Variants in PLPP4 observed in about 807,000 individuals in gnomAD.
PLPP4 encodes phospholipid phosphatase 4.
In PLPP4, 20 loss-of-function variants were observed where a neutral mutation model predicts 32.2. The ratio of observed to expected loss-of-function variants is 0.62; its 90% CI spans 0.44 to 0.90. The LOEUF is 0.90. Ranked by LOEUF, PLPP4 falls within the 40% of genes least tolerant of loss-of-function variation. PLPP4 has a pLI of 0.00. For missense variants in PLPP4, 257 were observed against 353.1 expected (o/e 0.73, Z 2.18); for synonymous variants, 127 against 133.0 (o/e 0.95, Z 0.31).
Position 120,589,478 on chromosome 10 carries a change from G to A in PLPP4, c.792G>A (p.Glu264=). ...ACAGCGCACCCAGCTTGCCTCTGGA[G>A]GGGATCACCGAAGGCCCGGTATGAC... is the stretch of plus-strand genomic sequence containing the variant. ...TADSAPSLPL[E]GITEGPV Residue 264 remains glutamate, a synonymous_variant, in exon 7 of 7, where the codon GAG becomes GAA. Coordinates refer to ENST00000398250, the MANE Select transcript of PLPP4 (RefSeq NM_001030059.3). The A allele has an allele frequency of 6.2e-7, 1 of 1,614,122 alleles. No homozygotes were observed. The highest frequency in any genetic ancestry group is 2.2e-5 in the East Asian group (1 of 44,874).
intron 3 of PLPP4, among the ~76,000 whole-genome samples, chr10:120,514,539 G>A (rs1027153056): frequency 6.6e-6 from 1 of 152,186 alleles, no homozygotes; most frequent in Non-Finnish European, 1.5e-5. Context: ...ATTATGTGAA[G>A]AGTGCTATGA....
intron 1 of PLPP4, among the ~76,000 whole-genome samples, chr10:120,479,999 C>A (rs1009645940): frequency 1.3e-5 from 2 of 152,136 alleles, no homozygotes; most frequent in Non-Finnish European, 2.9e-5. Context: ...GCTGATAATC[C>A]GATAAGGCCT....
Position 120,567,081 on chromosome 10 carries a change from C to G in PLPP4, c.446-8050C>G, listed in dbSNP as rs112467046. ...TTTCTCTCCCTTCATTTTTGGGAACCTTGTTTTTATTAATTTTTCTCTGTG... is the reference window on the plus strand; with the variant it reads ...TTTCTCTCCCTTCATTTTTGGGAACGTTGTTTTTATTAATTTTTCTCTGTG... On this transcript the variant is annotated intron_variant, in intron 5 of 6. Transcript: ENST00000398250. 2.1e-3 allele frequency among the ~76,000 whole-genome samples: 314 copies of G among 152,188 alleles called. 2 individuals carry two copies. The highest frequency in any genetic ancestry group is 7.1e-3 in the African/African-American group (296 of 41,528).
chr10:120,510,812 A>G (rs1178892133), intron 2 of PLPP4, among the ~76,000 whole-genome samples: 3 of 152,202 alleles, frequency 2.0e-5, no homozygotes, highest in East Asian at 1.9e-4. Context: ...CTATGTCTCT[A>G]TCCATCCTGA....
chr10:120,512,688 C>T (rs1280922569), intron 2 of PLPP4, among the ~76,000 whole-genome samples: 1 of 152,128 alleles, frequency 6.6e-6, no homozygotes, highest in Admixed American at 6.5e-5. Flanking sequence ...TGGTGTGCAC[C>T]TGTAGTCCCA....
chr10:120,508,613 C>T (rs191752159), intron 2 of PLPP4, among the ~76,000 whole-genome samples: 2 of 152,336 alleles, frequency 1.3e-5, no homozygotes, highest in East Asian at 3.9e-4. Flanking sequence ...TGCCTTACAT[C>T]AGCAGGTGGG....
chr10:120,575,809 A>T (rs1849197094), intron 6 of PLPP4, among the ~76,000 whole-genome samples: 1 of 152,228 alleles, frequency 6.6e-6, no homozygotes, highest in African/African-American at 2.4e-5. Flanking sequence ...ATATACATAT[A>T]TCAGTCCTGG....
intron 5 of PLPP4, among the ~76,000 whole-genome samples, chr10:120,529,856 G>T (rs1247886359): frequency 1.3e-5 from 2 of 152,342 alleles, no homozygotes; most frequent in Non-Finnish European, 2.9e-5. Flanking sequence ...CTATTAGGAG[G>T]TGGGTAGATC....
At chr10:120,475,829 C>T (rs1331293490) in intron 1 of PLPP4, among the ~76,000 whole-genome samples, 2 of 152,216 alleles carry the variant, frequency 1.3e-5, no homozygotes, top group Admixed American at 6.5e-5. Flanking sequence ...AATAGCTGCA[C>T]TTTGGGAAAA....
intron 1 of PLPP4, among the ~76,000 whole-genome samples, chr10:120,499,636 A>G (rs1286612420): frequency 6.6e-6 from 1 of 152,082 alleles, no homozygotes; most frequent in Non-Finnish European, 1.5e-5. Context: ...TGATCTACAG[A>G]TCGGCAGCGT....
rs1336244176 is a variant in PLPP4 at position 120,548,884 on chromosome 10, GTGTC to G, written c.446-26243_446-26240del. On this transcript the variant is annotated intron_variant, in intron 5 of 6. Transcript: ENST00000398250. ...CAACATGAATGTCTTCTTTTCAAAA[GTGTC>G]TGTTCATGTCCTTTGCCCAACTTTT... is the stretch of plus-strand genomic sequence containing the variant. Among the ~76,000 whole-genome samples the G allele has an allele frequency of 2.6e-5, 4 of 152,032 alleles. No individual in the cohort carries two copies. In the East Asian group the frequency reaches 5.8e-4, roughly 22 times the overall value.
chr10:120,517,348 T>C (rs906876481), intron 3 of PLPP4, among the ~76,000 whole-genome samples: 1 of 152,220 alleles, frequency 6.6e-6, no homozygotes, highest in Non-Finnish European at 1.5e-5. Context: ...ATGGCAAAGA[T>C]ATCCCAGAGA....
chr10:120,480,321 G>A (rs1003422944), intron 1 of PLPP4, among the ~76,000 whole-genome samples: 2 of 152,182 alleles, frequency 1.3e-5, no homozygotes, highest in African/African-American at 4.8e-5. Context: ...ATTGGCTGTG[G>A]ATGTGCATCT....
intron 5 of PLPP4, among the ~76,000 whole-genome samples, chr10:120,536,846 T>C (rs1367873500): frequency 6.6e-6 from 1 of 151,964 alleles, no homozygotes; most frequent in African/African-American, 2.4e-5. Flanking sequence ...ACTCATACAA[T>C]TAAATAGCAA....
At chr10:120,487,071 T>C (rs1468000095) in intron 1 of PLPP4, among the ~76,000 whole-genome samples, 3 of 152,232 alleles carry the variant, frequency 2.0e-5, no homozygotes, top group Non-Finnish European at 2.9e-5. Context: ...GTGGATAAAC[T>C]AAACTAACTT....
chr10:120,523,149 A>C (rs1172603782), intron 5 of PLPP4, among the ~76,000 whole-genome samples: 2 of 152,114 alleles, frequency 1.3e-5, no homozygotes, highest in East Asian at 3.9e-4. Flanking sequence ...CACACACAAA[A>C]AAATTAGCTG....
chr10:120,495,537 A>G (rs1392057566), intron 1 of PLPP4, among the ~76,000 whole-genome samples: 1 of 152,168 alleles, frequency 6.6e-6, no homozygotes, highest in Non-Finnish European at 1.5e-5. Flanking sequence ...GAGGCTGACT[A>G]GGGAGGAAAA....
At chr10:120,516,621 A>AT (rs1845945122) in intron 3 of PLPP4, among the ~76,000 whole-genome samples, 1 of 152,160 alleles carries the variant, frequency 6.6e-6, no homozygotes, top group African/African-American at 2.4e-5. Context: ...TTGCTTTGAG[A>AT]TTTTTTATCA....
intron 5 of PLPP4, among the ~76,000 whole-genome samples, chr10:120,542,063 C>T (rs567526424): frequency 6.6e-6 from 1 of 152,312 alleles, no homozygotes; most frequent in Admixed American, 6.5e-5. Flanking sequence ...AAGAGCCCTC[C>T]CTTGAGTTAG....
Sources: gnomAD v4.1 joint callset for allele counts (sites outside exome capture counted in the v4.1 genomes callset) on GRCh38, gnomAD v4.1.1 for gene constraint, MANE v1.5 for transcripts, NCBI Gene and HGNC (gene_info 2026-07-23, HGNC 2026-07-21) for gene names.